RYR3: variants seen among roughly 807,000 people sequenced by gnomAD.
RYR3 encodes the protein ryanodine receptor 3, also known as brain ryanodine receptor-calcium release channel.
Under a neutral mutation model 584.3 loss-of-function variants are expected in RYR3, and 207 were observed. The observed-to-expected ratio is 0.35, with a 90% CI of 0.32 to 0.40. The LOEUF (loss-of-function observed/expected upper bound fraction) is 0.40, where lower values mean the gene tolerates loss of function less well. RYR3 is among the 10% of genes least tolerant of loss of function. RYR3 has a pLI of 1.00. For missense variants in RYR3, 5,616 were observed against 6,089.2 expected, an observed-to-expected ratio of 0.92 and a Z score of 2.59; for synonymous variants, 2,416 against 2,248.5, an observed-to-expected ratio of 1.07 and a Z score of -2.11.
intron 27 of RYR3, among the ~76,000 whole-genome samples, chr15:33,642,743 T>C (rs182181706): frequency 1.3e-5 from 2 of 152,314 alleles, no homozygotes; most frequent in South Asian, 2.1e-4. Flanking sequence ...AGAAGCATAG[T>C]AGTGCTCAGG....
intron 76 of RYR3, 47 bp from the exon 77 acceptor site, chr15:33,819,709 A>C (rs761769757): frequency 1.3e-6 from 1 of 755,594 alleles, no homozygotes; most frequent in Non-Finnish European, 1.9e-6. Context: ...TAAATAAATA[A>C]ATAAATAAAT....
intron 1 of RYR3, among the ~76,000 whole-genome samples, chr15:33,379,806 T>C (rs1380151392): frequency 1.3e-5 from 2 of 151,702 alleles, no homozygotes; most frequent in Non-Finnish European, 2.9e-5. Flanking sequence ...AGTGGCTCAG[T>C]CCATGTTCGA....
intron 43 of RYR3, among the ~76,000 whole-genome samples, chr15:33,710,422 C>T (rs1345075840): frequency 6.6e-6 from 1 of 150,582 alleles, no homozygotes; most frequent in Non-Finnish European, 1.5e-5. Context: ...TAGCTGACTG[C>T]ACCCTCGACC....
At chr15:33,441,998 G>A (rs1449790728) in intron 1 of RYR3, among the ~76,000 whole-genome samples, 1 of 152,168 alleles carries the variant, frequency 6.6e-6, no homozygotes, top group Admixed American at 6.5e-5. Flanking sequence ...AGGAATTTCC[G>A]AGTTTCATTT....
rs1291365147 is a variant in RYR3, at chr15:33,630,032, T to G, written c.2772T>G (p.Thr924=). Reference sequence around the variant, plus strand: ...AGAACTATAACCTGCAAATGTCAACTGAAACCTTAAAGTGAGTATTTAATT... The same window carrying G: ...AGAACTATAACCTGCAAATGTCAACGGAAACCTTAAAGTGAGTATTTAATT... ...TEKNYNLQMS[T]ETLKTLLALG... Residue 924 remains threonine, a synonymous_variant, in exon 22 of 104, where the codon ACT becomes ACG. Transcript: ENST00000634891. 1.3e-6 allele frequency: 2 copies of G among 1,586,600 alleles called. No individual in the cohort carries two copies. Among genetic ancestry groups the G allele is most frequent in the Non-Finnish European group, 1.7e-6 (2 of 1,162,014 alleles).
chr15:33,369,742 ACAGAG>A (rs1468443118), intron 1 of RYR3, among the ~76,000 whole-genome samples: 1 of 152,216 alleles, frequency 6.6e-6, no homozygotes, highest in Non-Finnish European at 1.5e-5. Context: ...AGCACCTATA[ACAGAG>A]CATGGGCTGA....
At chr15:33,778,041 G>A (rs978161683) in intron 64 of RYR3, among the ~76,000 whole-genome samples, 5 of 152,052 alleles carry the variant, frequency 3.3e-5, no homozygotes, top group African/African-American at 4.8e-5. Context: ...GTGGTGGTGC[G>A]TGCCTGTAGT....
rs118124507 is a variant in RYR3 at position 33,820,803 on chromosome 15, A to G, written c.10806A>G (p.Lys3602=). The G allele has an allele frequency of 2.0e-4, 315 of 1,596,536 alleles. No homozygotes were observed. The highest frequency in any genetic ancestry group is 2.6e-4 in the Non-Finnish European group (299 of 1,171,346). ...AAGAAGAAGATGAAGACAAGGAAAA[A>G]ACATTCGAAGTAAGTTCTCATGAAG... The part of the protein sequence containing the change: ...EDEEEDEDKE[K]TFEEKEMEKQ... The change falls in exon 78 of 104, where the codon AAA becomes AAG. Residue 3602 remains lysine, a synonymous_variant. Transcript: ENST00000634891.
At chr15:33,640,474 C>T (rs2061742421) in intron 27 of RYR3, among the ~76,000 whole-genome samples, 1 of 152,188 alleles carries the variant, frequency 6.6e-6, no homozygotes, top group African/African-American at 2.4e-5. Context: ...CATCTACCTC[C>T]CTCTCTCTAA....
At chr15:33,628,853 G>C (rs913462619) in intron 21 of RYR3, among the ~76,000 whole-genome samples, 1 of 152,210 alleles carries the variant, frequency 6.6e-6, no homozygotes, top group African/African-American at 2.4e-5. Context: ...GTAGTGAAAA[G>C]TGGCTGATTC....
intron 10 of RYR3, among the ~76,000 whole-genome samples, chr15:33,559,064 A>C (rs2057261930): frequency 6.6e-6 from 1 of 152,150 alleles, no homozygotes; most frequent in Non-Finnish European, 1.5e-5. Flanking sequence ...TGGGGAGATT[A>C]GTCTAGGGGA....
At chr15:33,515,735 T>A (rs1321034750) in intron 3 of RYR3, among the ~76,000 whole-genome samples, 1 of 152,264 alleles carries the variant, frequency 6.6e-6, no homozygotes, top group Non-Finnish European at 1.5e-5. Context: ...TTTATTGTTT[T>A]GCCTTAGGTT....
chr15:33,595,279 G>A (rs1373250925), intron 16 of RYR3, among the ~76,000 whole-genome samples: 3 of 152,154 alleles, frequency 2.0e-5, no homozygotes, highest in Non-Finnish European at 4.4e-5. Context: ...AATAGAAACA[G>A]CATGAAGTCA....
chr15:33,642,087 A>G (rs191708306), intron 27 of RYR3, among the ~76,000 whole-genome samples: 20 of 152,274 alleles, frequency 1.3e-4, no homozygotes, highest in Non-Finnish European at 4.4e-5. Flanking sequence ...TGTCCTCTCT[A>G]CTGGTGCTTA....
chr15:33,669,121 A>G (rs1196619799), intron 36 of RYR3, among the ~76,000 whole-genome samples: 1 of 152,140 alleles, frequency 6.6e-6, no homozygotes, highest in African/African-American at 2.4e-5. Flanking sequence ...TGGTGGAATC[A>G]CAGTAAATTT....
intron 1 of RYR3, among the ~76,000 whole-genome samples, chr15:33,402,505 A>C (rs2042748095): frequency 6.6e-6 from 1 of 152,250 alleles, no homozygotes; most frequent in Non-Finnish European, 1.5e-5. Context: ...GTAAATTCAC[A>C]GTCTGCCTTG....
intron 1 of RYR3, among the ~76,000 whole-genome samples, chr15:33,397,265 T>C (rs894619980): frequency 1.2e-4 from 18 of 152,358 alleles, no homozygotes; most frequent in Non-Finnish European, 5.9e-5. Flanking sequence ...ACAGGTTGGC[T>C]AAATGTACAT....
intron 93 of RYR3, among the ~76,000 whole-genome samples, chr15:33,846,739 A>G (rs2078747052): frequency 6.6e-6 from 1 of 152,196 alleles, no homozygotes; most frequent in Admixed American, 6.5e-5. Flanking sequence ...GCCTGGGTTG[A>G]ACTCACAGCT....
intron 1 of RYR3, among the ~76,000 whole-genome samples, chr15:33,336,529 G>A (rs1339724072): frequency 1.1e-5 from 1 of 93,016 alleles, no homozygotes; most frequent in Non-Finnish European, 2.2e-5. Context: ...AAGGAGGGAA[G>A]GAGGGAAGGA....
Sources: gnomAD v4.1 joint callset for allele counts (sites outside exome capture counted in the v4.1 genomes callset) on GRCh38, gnomAD v4.1.1 for gene constraint, MANE v1.5 for transcripts, NCBI Gene and HGNC (gene_info 2026-07-23, HGNC 2026-07-21) for gene names.